The following PTPRT variants were observed in gnomAD, a reference collection of about 807,000 sequenced individuals.
PTPRT encodes protein tyrosine phosphatase receptor type T.
Under a neutral mutation model 176.8 loss-of-function variants are expected in PTPRT, and 56 were observed. That is an observed-to-expected ratio of 0.32 (90% CI 0.26 to 0.40). PTPRT has a LOEUF of 0.40. Among genes scored for constraint, PTPRT ranks in the 10% least tolerant of loss-of-function variants. The probability of loss-of-function intolerance (pLI) is 1.00; values close to 1 mark genes in which losing one functional copy is unlikely to be tolerated. For missense variants in PTPRT, 1,540 were observed against 1,908.2 expected, an observed-to-expected ratio of 0.81 and a Z score of 3.60; for synonymous variants, 783 against 739.0, an observed-to-expected ratio of 1.06 and a Z score of -0.96.
At chr20:42,607,926 C>T (rs2073907750) in intron 7 of PTPRT, among the ~76,000 whole-genome samples, 1 of 152,172 alleles carries the variant, frequency 6.6e-6, no homozygotes, top group South Asian at 2.1e-4. Flanking sequence ...AACACCAGCT[C>T]ATAAGGGCAT....
intron 6 of PTPRT, among the ~76,000 whole-genome samples, chr20:42,711,744 T>C (rs2076147431): frequency 6.6e-6 from 1 of 151,856 alleles, no homozygotes; most frequent in African/African-American, 2.4e-5. Context: ...AATTGAACTT[T>C]TTTTTTTCTA....
intron 1 of PTPRT, among the ~76,000 whole-genome samples, chr20:42,888,341 C>T (rs2079136076): frequency 6.6e-6 from 1 of 151,730 alleles, no homozygotes; most frequent in East Asian, 1.9e-4. Context: ...TACCTCAACA[C>T]AGTGATCCAA....
chr20:42,697,477 G>A (rs923596437), intron 6 of PTPRT, among the ~76,000 whole-genome samples: 1 of 152,176 alleles, frequency 6.6e-6, no homozygotes, highest in Non-Finnish European at 1.5e-5. Context: ...TACTCGAAAG[G>A]AAGATAACCG....
intron 14 of PTPRT, among the ~76,000 whole-genome samples, chr20:42,244,119 C>T (rs1046455862): frequency 6.6e-6 from 1 of 152,156 alleles, no homozygotes; most frequent in African/African-American, 2.4e-5. Context: ...ATAAAACTGG[C>T]TACCTTTCAT....
At chr20:42,366,992 T>C (rs376270151) in intron 9 of PTPRT, among the ~76,000 whole-genome samples, 1 of 152,244 alleles carries the variant, frequency 6.6e-6, no homozygotes, top group African/African-American at 2.4e-5. Context: ...TGTTTCTTTA[T>C]AGATGTAATC....
intron 1 of PTPRT, among the ~76,000 whole-genome samples, chr20:43,175,341 A>G (rs2015100134): frequency 6.6e-6 from 1 of 152,270 alleles, no homozygotes; most frequent in South Asian, 2.1e-4. Context: ...CCCAAGAGAA[A>G]TCCTTTACAA....
At chr20:42,749,758 A>C (rs2076743913) in intron 6 of PTPRT, among the ~76,000 whole-genome samples, 1 of 152,256 alleles carries the variant, frequency 6.6e-6, no homozygotes, top group South Asian at 2.1e-4. Context: ...GTTGGGCTCC[A>C]TAAACCTTTA....
At chr20:42,290,183 A>C (rs1330928301) in intron 12 of PTPRT, among the ~76,000 whole-genome samples, 1 of 152,104 alleles carries the variant, frequency 6.6e-6, no homozygotes, top group Non-Finnish European at 1.5e-5. Flanking sequence ...GAATGGAAAA[A>C]AAAGCTGTAT....
chr20:42,680,498 C>A (rs962733013), intron 6 of PTPRT, among the ~76,000 whole-genome samples: 1 of 152,120 alleles, frequency 6.6e-6, no homozygotes, highest in Non-Finnish European at 1.5e-5. Flanking sequence ...TATATGGAAC[C>A]TTTGATTGCC....
intron 1 of PTPRT, among the ~76,000 whole-genome samples, chr20:43,117,282 C>G (rs2013096722): frequency 6.6e-6 from 1 of 152,178 alleles, no homozygotes; most frequent in African/African-American, 2.4e-5. Flanking sequence ...GAATTGGAAA[C>G]AGTAATCTAG....
chr20:42,982,154 C>A (rs139556673), intron 1 of PTPRT, among the ~76,000 whole-genome samples: 40 of 152,234 alleles, frequency 2.6e-4, no homozygotes, highest in African/African-American at 8.9e-4. Flanking sequence ...TACTGAAAGA[C>A]CTTCGTTAGG....
In PTPRT at chr20:43,067,778, A is replaced by G. The variant is rs79092333; in HGVS notation, c.88+121868T>C. 6.8e-3 allele frequency among the ~76,000 whole-genome samples: 1,030 copies of G among 151,326 alleles called. 10 individuals carry two copies. The highest frequency in any genetic ancestry group is 0.024 in the African/African-American group (1,001 of 41,166). ...GGAGTTCAAGACCAGCCTGGGCAAC[A>G]GAGGGAAACCCCCATCTCTACATAA... On this transcript the variant is annotated intron_variant, in intron 1 of 30. Transcript: ENST00000373187.
intron 2 of PTPRT, among the ~76,000 whole-genome samples, chr20:42,843,152 A>C (rs1266406422): frequency 6.6e-6 from 1 of 152,206 alleles, no homozygotes; most frequent in Non-Finnish European, 1.5e-5. Context: ...CTCCACAATT[A>C]AGATTTCTGC....
intron 7 of PTPRT, among the ~76,000 whole-genome samples, chr20:42,557,599 G>A (rs1479151497): frequency 6.6e-6 from 1 of 152,142 alleles, no homozygotes. Flanking sequence ...AATGTTTCCA[G>A]GTGAGTAGAA....
At chr20:42,555,533 T>G (rs2072845899) in intron 7 of PTPRT, among the ~76,000 whole-genome samples, 1 of 152,140 alleles carries the variant, frequency 6.6e-6, no homozygotes, top group African/African-American at 2.4e-5. Context: ...AGGGAAGTTG[T>G]GCTAGGATGT....
intron 19 of PTPRT, among the ~76,000 whole-genome samples, chr20:42,124,015 A>G (rs1404936501): frequency 6.6e-6 from 1 of 152,154 alleles, no homozygotes; most frequent in Non-Finnish European, 1.5e-5. Context: ...AAAAATTCAT[A>G]TTGACTGAAT....
At chr20:42,263,495 C>T (rs2056788461) in intron 13 of PTPRT, among the ~76,000 whole-genome samples, 1 of 149,522 alleles carries the variant, frequency 6.7e-6, no homozygotes, top group South Asian at 2.1e-4. Flanking sequence ...ATTCTCCTGC[C>T]TCAGCCTCCT....
At chr20:42,531,315 G>C (rs2072380146) in intron 7 of PTPRT, among the ~76,000 whole-genome samples, 1 of 152,206 alleles carries the variant, frequency 6.6e-6, no homozygotes, top group Admixed American at 6.5e-5. Context: ...CTATGGGGTA[G>C]ACAAAGAGCA....
intron 7 of PTPRT, among the ~76,000 whole-genome samples, chr20:42,599,018 G>A (rs1388427585): frequency 1.3e-5 from 2 of 152,224 alleles, no homozygotes; most frequent in African/African-American, 2.4e-5. Context: ...GAAGGATGGA[G>A]TTGAGGGAGC....
Sources: allele counts gnomAD v4.1 joint callset (sites outside exome capture counted in the v4.1 genomes callset), GRCh38; gene constraint gnomAD v4.1.1; transcripts MANE v1.5; gene names NCBI Gene and HGNC (gene_info 2026-07-23, HGNC 2026-07-21).